Variants in PCDHGA7 observed in about 807,000 individuals in gnomAD.
PCDHGA7 encodes protocadherin gamma subfamily A, 7.
Under a neutral mutation model 58.3 loss-of-function variants are expected in PCDHGA7, and 44 were observed. That is an observed-to-expected ratio of 0.75 (90% CI 0.59 to 0.97). The LOEUF is 0.97. PCDHGA7 is among the 50% of genes least tolerant of loss of function. The probability of loss-of-function intolerance (pLI) is 0.00; values close to 1 mark genes in which losing one functional copy is unlikely to be tolerated. For synonymous variants in PCDHGA7, 516 were observed against 504.2 expected (o/e 1.02, Z -0.31); for missense variants, 1,266 against 1,188.7 (o/e 1.06, Z -0.96).
Position 141,459,075 on chromosome 5 carries a change from G to C in PCDHGA7, c.2425-35732G>C, listed in dbSNP as rs562572838. ...GTATAATTTATATAACATAAAATTT[G>C]CCTTTTAAAATTATACAGTGCAATG... On this transcript the variant is annotated intron_variant, in intron 1 of 3. Transcript: ENST00000518325. 4.6e-5 allele frequency among the ~76,000 whole-genome samples: 7 copies of C among 152,252 alleles called. No individual in the cohort carries two copies. The East Asian group carries it at 1.4e-3, about 29-fold the overall frequency.
Position 141,421,318 on chromosome 5 carries a change from C to T in PCDHGA7, c.2424+35995C>T, listed in dbSNP as rs370020854. 5.6e-6 allele frequency: 9 copies of T among 1,613,824 alleles called. No homozygotes were observed. In the East Asian group the frequency reaches 2.0e-4, roughly 36 times the overall value. On this transcript the variant is annotated intron_variant, in intron 1 of 3. Coordinates refer to ENST00000518325, the MANE Select transcript of PCDHGA7 (RefSeq NM_018920.4). ...GACGCTGCGGGGGTTCCGGGCCAGG[C>T]AGATCCGATATTCGGTGCCAGAAGA...
In PCDHGA7 at chr5:141,413,486, C is replaced by T. The variant is rs756751796; in HGVS notation, c.2424+28163C>T. On this transcript the variant is annotated intron_variant, in intron 1 of 3. Transcript: ENST00000518325. Reference sequence around the variant, plus strand: ...CGGGAGGAGCTCTGCGCTCAGAGCGCGCGGTGCGTGGTGAGTTTTAATATC... The same window carrying T: ...CGGGAGGAGCTCTGCGCTCAGAGCGTGCGGTGCGTGGTGAGTTTTAATATC... 5.0e-6 allele frequency: 8 copies of T among 1,613,914 alleles called. No homozygotes were observed. The African/African-American group carries it at 9.3e-5, about 19-fold the overall frequency.
At chr5:141,427,765 T>C (rs1331334394) in intron 1 of PCDHGA7, 3 of 1,387,170 alleles carry the variant, frequency 2.2e-6, no homozygotes, top group Non-Finnish European at 2.0e-6. Context: ...ACCACTGACT[T>C]GGAGCTGCGG....
chr5:141,482,109 C>G (rs972542276), intron 1 of PCDHGA7, among the ~76,000 whole-genome samples: 2 of 149,582 alleles, frequency 1.3e-5, no homozygotes, highest in African/African-American at 2.5e-5. Context: ...AAAAAAATAT[C>G]TAGAGATGGG....
At chr5:141,450,998 T>C (rs2098703513) in intron 1 of PCDHGA7, among the ~76,000 whole-genome samples, 1 of 151,696 alleles carries the variant, frequency 6.6e-6, no homozygotes, top group Non-Finnish European at 1.5e-5. Flanking sequence ...CTAATTTTTT[T>C]GTATTTTTTT....
In PCDHGA7 at chr5:141,491,961, G is replaced by A. The variant is rs891299192; in HGVS notation, c.2425-2846G>A. 3 of 970,010 alleles carry A rather than the reference G, an allele frequency of 3.1e-6. No individual in the cohort carries two copies. The highest frequency in any genetic ancestry group is 4.3e-6 in the Non-Finnish European group (3 of 693,098). 60.1% of individuals were successfully genotyped at this position (970,010 alleles called of 1,614,324 possible). On this transcript the variant is annotated intron_variant, in intron 1 of 3. Transcript: ENST00000518325. This position sits in a 1 kb window ranked among gnomAD's most constrained non-coding sequence, Gnocchi z 6.9. ...GACCCCCACCCCTACACTCAAAAAAGGCCGGGGCCTCCTTCGAGCTTCCGG... is the reference window on the plus strand; with the variant it reads ...GACCCCCACCCCTACACTCAAAAAAAGCCGGGGCCTCCTTCGAGCTTCCGG...
Position 141,383,745 on chromosome 5 carries a change from G to A in PCDHGA7, c.846G>A (p.Arg282=). ...GVNGEVTYSF[R]KITPKLPKMF... ...ATGGGGAAGTGACATATTCTTTTCG[G>A]AAAATAACTCCTAAACTTCCAAAGA... The change falls in exon 1 of 4, where the codon CGG becomes CGA. Residue 282 remains arginine, a synonymous_variant. Coordinates refer to ENST00000518325, the MANE Select transcript of PCDHGA7 (RefSeq NM_018920.4). The A allele has an allele frequency of 6.2e-7, 1 of 1,613,954 alleles. No homozygotes were observed. The highest frequency in any genetic ancestry group is 8.5e-7 in the Non-Finnish European group (1 of 1,179,874).
chr5:141,405,461 C>T, intron 1 of PCDHGA7: 1 of 1,220,756 alleles, frequency 8.2e-7, no homozygotes, highest in Non-Finnish European at 1.1e-6. Context: ...ACTCTGTTAC[C>T]CAGGCTGGAA....
At chr5:141,405,035 G>C in intron 1 of PCDHGA7, 1 of 1,613,964 alleles carries the variant, frequency 6.2e-7, no homozygotes, top group South Asian at 1.1e-5. Context: ...CTACCTCGTT[G>C]TGGCTGTGGC....
chr5:141,466,486 T>C (rs1005010773), intron 1 of PCDHGA7, among the ~76,000 whole-genome samples: 1 of 152,240 alleles, frequency 6.6e-6, no homozygotes, highest in Non-Finnish European at 1.5e-5. Flanking sequence ...GTAGGTCTTC[T>C]TTAATTAGAG....
At chr5:141,440,382 C>T (rs898655247) in intron 1 of PCDHGA7, 2 of 152,178 alleles carry the variant, frequency 1.3e-5, no homozygotes, top group Non-Finnish European at 2.9e-5. Context: ...AGGAGAATCG[C>T]TTGAACCCGA....
In PCDHGA7 at chr5:141,383,047, A is replaced by T. The variant is rs373552606; in HGVS notation, c.148A>T (p.Lys50Ter). ...AGGGTCCTTTGTGGGAGACATCGCCAAGGACCTGGGGCTGGAGCCCCGGGA... is the reference window on the plus strand; with the variant it reads ...AGGGTCCTTTGTGGGAGACATCGCCTAGGACCTGGGGCTGGAGCCCCGGGA... Reference protein sequence around the residue: ...DKGSFVGDIAKDLGLEPRELA... With the variant: ...DKGSFVGDIA Residue 50 changes from lysine to a stop codon, truncating the protein, a stop_gained, in exon 1 of 4, where the codon AAG becomes TAG. Coordinates refer to ENST00000518325, the MANE Select transcript of PCDHGA7 (RefSeq NM_018920.4). LOFTEE classifies it high-confidence loss of function. The T allele has an allele frequency of 1.6e-5, 26 of 1,613,752 alleles. No individual in the cohort carries two copies. The African/African-American group carries it at 2.9e-4, about 18-fold the overall frequency.
intron 1 of PCDHGA7, chr5:141,424,572 T>C (rs1272121500): frequency 6.6e-6 from 1 of 152,238 alleles, no homozygotes; most frequent in East Asian, 1.9e-4. Context: ...CAAAAACCTA[T>C]TTTCAAATGT....
Position 141,432,538 on chromosome 5 carries a change from G to T in PCDHGA7, c.2424+47215G>T, listed in dbSNP as rs200601557. 1 of 1,613,908 alleles carries T rather than the reference G, an allele frequency of 6.2e-7. No individual in the cohort carries two copies. Among genetic ancestry groups the T allele is most frequent in the African/African-American group, 1.3e-5 (1 of 74,936 alleles). Reference sequence around the variant, plus strand: ...GCTACCTGGTGACCAAGGTGGTGGCGGTGGACAGAGACTCCGGCCAGAACG... The same window carrying T: ...GCTACCTGGTGACCAAGGTGGTGGCTGTGGACAGAGACTCCGGCCAGAACG... On this transcript the variant is annotated intron_variant, in intron 1 of 3. Coordinates refer to ENST00000518325, the MANE Select transcript of PCDHGA7 (RefSeq NM_018920.4). This position sits in a 1 kb window ranked among gnomAD's most constrained non-coding sequence, Gnocchi z 6.0.
intron 1 of PCDHGA7, chr5:141,433,225 G>A: frequency 6.6e-7 from 1 of 1,517,048 alleles, no homozygotes; most frequent in Non-Finnish European, 9.0e-7. Flanking sequence ...TTTTTTAATT[G>A]CTCTGTCTCC....
chr5:141,501,635 T>G (rs553343946), intron 2 of PCDHGA7, among the ~76,000 whole-genome samples: 1 of 152,236 alleles, frequency 6.6e-6, no homozygotes, highest in African/African-American at 2.4e-5. Flanking sequence ...TCTCAACCTC[T>G]CTGAGCCCTG....
In PCDHGA7 at chr5:141,415,740, GTTTTTTTTTT is replaced by G. The variant is rs57426385; in HGVS notation, c.2424+30440_2424+30449del. The G allele has an allele frequency of 4.3e-3, 2,655 of 623,934 alleles. 2 individuals carry two copies. The highest frequency in any genetic ancestry group is 4.3e-3 in the Non-Finnish European group (2,016 of 468,394). The allele number at this position is 623,934 out of a possible 1,614,324, so 38.6% of individuals were successfully genotyped here. ...TGAGTAGAATTTGATGTTTATTAAG[GTTTTTTTTTT>G]TTTTTTTTTTTTTTTTTTTTTTACT... On this transcript the variant is annotated intron_variant, in intron 1 of 3. Coordinates refer to ENST00000518325, the MANE Select transcript of PCDHGA7 (RefSeq NM_018920.4).
intron 2 of PCDHGA7, among the ~76,000 whole-genome samples, chr5:141,496,468 C>T (rs1410143575): frequency 2.0e-5 from 3 of 152,126 alleles, no homozygotes; most frequent in Non-Finnish European, 4.4e-5. Context: ...AGTTATCTTT[C>T]CCCCATCCTG....
intron 1 of PCDHGA7, chr5:141,394,346 C>T: frequency 1.2e-6 from 2 of 1,614,156 alleles, no homozygotes; most frequent in Non-Finnish European, 1.7e-6. Context: ...ACTCTGACAC[C>T]GGTGTCCTGT....
Sources: allele counts gnomAD v4.1 joint callset (sites outside exome capture counted in the v4.1 genomes callset), GRCh38; gene constraint gnomAD v4.1.1; non-coding constraint Gnocchi (gnomAD v3.1); transcripts MANE v1.5; gene names NCBI Gene and HGNC (gene_info 2026-07-23, HGNC 2026-07-21).